SV2B: variants seen among roughly 807,000 people sequenced by gnomAD.
SV2B encodes the protein synaptic vesicle glycoprotein 2B, also known as solute carrier family 22 member B2.
In SV2B, 41 loss-of-function variants were observed where a neutral mutation model predicts 73.9. That is an observed-to-expected ratio of 0.56 (90% CI 0.43 to 0.72). The LOEUF is 0.72. Ranked by LOEUF, SV2B falls within the 30% of genes least tolerant of loss-of-function variation. The pLI is 0.00. For synonymous variants in SV2B, 314 were observed against 314.2 expected, an observed-to-expected ratio of 1.00 and a Z score of 0.01; for missense variants, 764 against 857.8, an observed-to-expected ratio of 0.89 and a Z score of 1.37.
chr15:91,274,679 G>A (rs1303339716), intron 9 of SV2B, among the ~76,000 whole-genome samples: 2 of 152,018 alleles, frequency 1.3e-5, no homozygotes, highest in Non-Finnish European at 2.9e-5. Context: ...CATCTCACCA[G>A]CTATTTAGAA....
At chr15:91,162,996 G>C (rs913215126) in intron 1 of SV2B, among the ~76,000 whole-genome samples, 10 of 151,150 alleles carry the variant, frequency 6.6e-5, no homozygotes, top group Admixed American at 1.3e-4. Flanking sequence ...TCCCACCTAT[G>C]AGTGAGAACA....
intron 1 of SV2B, among the ~76,000 whole-genome samples, chr15:91,204,141 G>T (rs2045556024): frequency 6.6e-6 from 1 of 152,138 alleles, no homozygotes; most frequent in Admixed American, 6.5e-5. Flanking sequence ...CCTGGCTCTG[G>T]TAGGGCGTGC....
At chr15:91,186,259 A>G (rs930465735) in intron 1 of SV2B, among the ~76,000 whole-genome samples, 1 of 152,056 alleles carries the variant, frequency 6.6e-6, no homozygotes, top group Non-Finnish European at 1.5e-5. Flanking sequence ...TTGGCAGCTC[A>G]ATGTCATAAA....
chr15:91,151,003 G>C (rs1021501311), intron 1 of SV2B, among the ~76,000 whole-genome samples: 2 of 152,202 alleles, frequency 1.3e-5, no homozygotes, highest in Admixed American at 1.3e-4. Context: ...AGCCTGGGAG[G>C]GGGCATGGGT....
intron 1 of SV2B, among the ~76,000 whole-genome samples, chr15:91,120,571 TG>T (rs1352101143): frequency 6.6e-6 from 1 of 152,084 alleles, no homozygotes; most frequent in African/African-American, 2.4e-5. Flanking sequence ...CTCAGCAGTT[TG>T]GGAGGCTGAG....
intron 1 of SV2B, among the ~76,000 whole-genome samples, chr15:91,192,776 T>C (rs2045088940): frequency 6.6e-6 from 1 of 152,350 alleles, no homozygotes; most frequent in Non-Finnish European, 1.5e-5. Context: ...AGTGGACAGA[T>C]GAATGACTTT....
chr15:91,115,271 C>T lies in SV2B; in HGVS notation c.-392+14908C>T, dbSNP rs535171734. On this transcript the variant is annotated intron_variant, in intron 1 of 12. Transcript: ENST00000394232. The surrounding 1 kb of genome is among the most constrained non-coding windows in gnomAD (Gnocchi z 4.3). Reference sequence around the variant, plus strand: ...GCAGGCGAAACCCACAGACGTCCACCACACACACTGAGCTGGCTTCTGTTG... The same window carrying T: ...GCAGGCGAAACCCACAGACGTCCACTACACACACTGAGCTGGCTTCTGTTG... 5.9e-5 allele frequency among the ~76,000 whole-genome samples: 9 copies of T among 152,228 alleles called. No individual in the cohort carries two copies. In the East Asian group the frequency reaches 1.7e-3, roughly 29 times the overall value.
At chr15:91,161,710 G>T (rs1248012559) in intron 1 of SV2B, among the ~76,000 whole-genome samples, 1 of 152,176 alleles carries the variant, frequency 6.6e-6, no homozygotes, top group African/African-American at 2.4e-5. Context: ...GCAGAGCCAG[G>T]ATTTGAACCT....
Position 91,231,671 on chromosome 15 carries a change from A to G in SV2B, c.451+4957A>G, listed in dbSNP as rs1007067025. Among the ~76,000 whole-genome samples, 2 of 152,182 alleles carry G rather than the reference A, an allele frequency of 1.3e-5. No individual in the cohort carries two copies. Among genetic ancestry groups the G allele is most frequent in the South Asian group, 2.1e-4 (1 of 4,828 alleles). On this transcript the variant is annotated intron_variant, in intron 2 of 12. Transcript: ENST00000394232. This position sits in a 1 kb window ranked among gnomAD's most constrained non-coding sequence, Gnocchi z 4.5. ...GCACCTCAACCTGGAACTGTGGGCT[A>G]TTCCCTACCTTCATGCCTATAATAG...
Position 91,110,638 on chromosome 15 carries a change from A to T in SV2B, c.-392+10275A>T, listed in dbSNP as rs1043367329. Among the ~76,000 whole-genome samples, 1 of 152,182 alleles carries T rather than the reference A, an allele frequency of 6.6e-6. No individual in the cohort carries two copies. Among genetic ancestry groups the T allele is most frequent in the African/African-American group, 2.4e-5 (1 of 41,460 alleles). On this transcript the variant is annotated intron_variant, in intron 1 of 12. Transcript: ENST00000394232. The surrounding 1 kb of genome is among the most constrained non-coding windows in gnomAD (Gnocchi z 5.4). ...ACGTGGGAGGCTCTGCGGGAGAGGA[A>T]GAGGCACCGTGGGGTGGCCTGCCCT...
chr15:91,241,834 G>A lies in SV2B; in HGVS notation c.452-9985G>A, dbSNP rs2047028866. 6.6e-6 allele frequency among the ~76,000 whole-genome samples: 1 copy of A among 152,070 alleles called. No homozygotes were observed. The highest frequency in any genetic ancestry group is 6.5e-5 in the Admixed American group (1 of 15,270). ...TCTCTCTATGGAATCATTCCCACCA[G>A]CACACTACACATTTCTTCAGTCTTG... On this transcript the variant is annotated intron_variant, in intron 2 of 12. Transcript: ENST00000394232. This position sits in a 1 kb window ranked among gnomAD's most constrained non-coding sequence, Gnocchi z 4.8.
At chr15:91,291,188 GT>G (rs553445116) in intron 12 of SV2B, among the ~76,000 whole-genome samples, 1 of 150,212 alleles carries the variant, frequency 6.7e-6, no homozygotes, top group Non-Finnish European at 1.5e-5. Flanking sequence ...TTTTTATTTA[GT>G]TTTTTTTCTA....
At chr15:91,159,149 C>G (rs1298362006) in intron 1 of SV2B, among the ~76,000 whole-genome samples, 3 of 152,122 alleles carry the variant, frequency 2.0e-5, no homozygotes, top group Non-Finnish European at 2.9e-5. Flanking sequence ...GAGAGCTCAG[C>G]TACTTTAGCA....
rs193199904 is a variant in SV2B, at chr15:91,245,082, G to T, written c.452-6737G>T. Among the ~76,000 whole-genome samples the T allele has an allele frequency of 9.6e-4, 146 of 152,350 alleles. No individual in the cohort carries two copies. The highest frequency in any genetic ancestry group is 1.9e-3 in the Non-Finnish European group (128 of 68,026). On this transcript the variant is annotated intron_variant, in intron 2 of 12. Coordinates refer to ENST00000394232, the MANE Select transcript of SV2B (RefSeq NM_001323032.3). This position sits in a 1 kb window ranked among gnomAD's most constrained non-coding sequence, Gnocchi z 4.2. ...TCTTTCTTGTCACCACGGTAAGCCA[G>T]TGCGGTCTGATGGTACATCTTATCC...
chr15:91,260,700 A>G (rs925003187), intron 6 of SV2B, among the ~76,000 whole-genome samples: 4 of 152,184 alleles, frequency 2.6e-5, no homozygotes, highest in African/African-American at 9.7e-5. Flanking sequence ...TGATAAAGAC[A>G]TACCCGAGAC....
intron 1 of SV2B, among the ~76,000 whole-genome samples, chr15:91,211,441 T>TCTTCTTCCATCTTCTTCCTCCTC (rs535018469): frequency 4.4e-4 from 67 of 152,104 alleles, no homozygotes; most frequent in African/African-American, 1.5e-3. Flanking sequence ...TTCTTCTCCT[T>TCTTCTTCCATCTTCTTCCTCCTC]CTTCTTCCAT....
chr15:91,178,999 G>T (rs1413080412), intron 1 of SV2B, among the ~76,000 whole-genome samples: 2 of 151,424 alleles, frequency 1.3e-5, no homozygotes, highest in Non-Finnish European at 2.9e-5. Context: ...TGTCAATTTT[G>T]GATCTTTCCT....
rs891212986 is a variant in SV2B, at chr15:91,226,073, C to A, written c.-191C>A. 1.6e-6 allele frequency: 1 copy of A among 613,766 alleles called. No homozygotes were observed. Among genetic ancestry groups the A allele is most frequent in the Non-Finnish European group, 2.8e-6 (1 of 358,276 alleles). The allele number at this position is 613,766 out of a possible 1,614,324, so 38.0% of individuals were successfully genotyped here. ...GAGTGCAAAAGGATATTTAGGTTGT[C>A]TTTGCACAAATCTGGTTGATTTGAG... On this transcript the variant is annotated 5_prime_UTR_variant, in exon 2 of 13. Transcript: ENST00000394232.
intron 1 of SV2B, among the ~76,000 whole-genome samples, chr15:91,180,759 C>T (rs535805327): frequency 6.6e-6 from 1 of 152,324 alleles, no homozygotes; most frequent in African/African-American, 2.4e-5. Flanking sequence ...CCTTTAAGCA[C>T]TTCTCTGTAT....
Sources: gnomAD v4.1 joint callset for allele counts (sites outside exome capture counted in the v4.1 genomes callset) on GRCh38, gnomAD v4.1.1 for gene constraint, Gnocchi (gnomAD v3.1) non-coding constraint, MANE v1.5 for transcripts, NCBI Gene and HGNC (gene_info 2026-07-23, HGNC 2026-07-21) for gene names.